ITGA2: variants seen among roughly 807,000 people sequenced by gnomAD.
The protein encoded by ITGA2 is integrin subunit alpha 2.
A neutral mutation model predicts 146.3 loss-of-function variants in ITGA2; 101 were observed. The ratio of observed to expected loss-of-function variants is 0.69; its 90% CI spans 0.59 to 0.81. ITGA2 has a LOEUF of 0.81. Ranked by LOEUF, ITGA2 falls within the 40% of genes least tolerant of loss-of-function variation. ITGA2 has a pLI of 0.00. For synonymous variants in ITGA2, 477 were observed against 487.1 expected, an observed-to-expected ratio of 0.98 and a Z score of 0.27; for missense variants, 1,281 against 1,402.7, an observed-to-expected ratio of 0.91 and a Z score of 1.39.
At position 53,093,247 on chromosome 5, in the gene ITGA2, A is replaced by G. The variant is rs1001186003; in HGVS notation, c.*2648A>G. The G allele has an allele frequency of 2.6e-5, 4 of 152,352 alleles. No homozygotes were observed. The East Asian group carries it at 7.7e-4, about 29-fold the overall frequency. 9.4% of individuals were successfully genotyped at this position (152,352 alleles called of 1,614,324 possible). On this transcript the variant is annotated 3_prime_UTR_variant, in exon 30 of 30. Transcript: ENST00000296585. ...GTACTTCCTTAAATAAGTGCTAAAC[A>G]TACATATACGGAACTTGAAAGCTTT... is the stretch of plus-strand genomic sequence containing the variant.
intron 1 of ITGA2, among the ~76,000 whole-genome samples, chr5:53,002,596 A>G (rs1186829691): frequency 6.6e-6 from 1 of 152,120 alleles, no homozygotes; most frequent in Non-Finnish European, 1.5e-5. Flanking sequence ...CTATTGTCCC[A>G]TTGTTGGATA....
chr5:52,999,874 T>C (rs9292002), intron 1 of ITGA2, among the ~76,000 whole-genome samples: 34,855 of 152,120 alleles, frequency 0.23, 4,129 homozygotes, highest in African/African-American at 0.26. Flanking sequence ...TTTAAAATGT[T>C]GTGTAAGCAC....
chr5:53,056,599 G>A (rs759822399), intron 9 of ITGA2, among the ~76,000 whole-genome samples: 1 of 151,946 alleles, frequency 6.6e-6, no homozygotes, highest in Non-Finnish European at 1.5e-5. Flanking sequence ...ACTGTGTTAT[G>A]TAAGTTCTAA....
rs753801379 is a variant in ITGA2, at chr5:53,065,004, C to T, written c.1695C>T (p.Asn565=). 3 of 1,612,898 alleles carry T rather than the reference C, an allele frequency of 1.9e-6. No homozygotes were observed. The highest frequency in any genetic ancestry group is 2.5e-6 in the Non-Finnish European group (3 of 1,179,206). Residue 565 remains asparagine, a synonymous_variant, in exon 14 of 30, where the codon AAC becomes AAT. Transcript: ENST00000296585. ...GSAIAALSDI[N]MDGFNDVIVG... ...CAATTGCAGCTCTTTCAGACATCAACATGGATGGCTTTAATGATGTGATTG... is the reference window on the plus strand; with the variant it reads ...CAATTGCAGCTCTTTCAGACATCAATATGGATGGCTTTAATGATGTGATTG...
At chr5:53,064,362 A>G (rs1745042782) in intron 13 of ITGA2, among the ~76,000 whole-genome samples, 1 of 151,960 alleles carries the variant, frequency 6.6e-6, no homozygotes, top group African/African-American at 2.4e-5. Flanking sequence ...CAGCTACAGT[A>G]AAGAGAATTA....
intron 2 of ITGA2, among the ~76,000 whole-genome samples, chr5:53,036,640 T>G (rs1743505480): frequency 1.3e-5 from 2 of 152,190 alleles, no homozygotes; most frequent in South Asian, 4.1e-4. Flanking sequence ...CACTCCTAAC[T>G]CCAGCCTGCT....
intron 1 of ITGA2, among the ~76,000 whole-genome samples, chr5:53,023,660 A>G (rs1466691679): frequency 1.3e-5 from 2 of 152,214 alleles, no homozygotes; most frequent in Non-Finnish European, 2.9e-5. Flanking sequence ...GTATAGACAC[A>G]TGGGCATGGT....
intron 7 of ITGA2, among the ~76,000 whole-genome samples, chr5:53,051,956 A>G (rs1421108570): frequency 6.6e-6 from 1 of 152,212 alleles, no homozygotes; most frequent in Non-Finnish European, 1.5e-5. Context: ...AATCTTAAAC[A>G]TACGAGTTTA....
chr5:53,084,574 G>GGCTT (rs1386995223), intron 27 of ITGA2, among the ~76,000 whole-genome samples: 1 of 152,104 alleles, frequency 6.6e-6, no homozygotes, highest in Non-Finnish European at 1.5e-5. Context: ...TATTTCTTCT[G>GGCTT]GCTTGCTTGC....
chr5:52,995,816 C>G (rs536294637), intron 1 of ITGA2, among the ~76,000 whole-genome samples: 58 of 152,216 alleles, frequency 3.8e-4, no homozygotes, highest in African/African-American at 1.3e-3. Flanking sequence ...GGCAAAGGGA[C>G]TAGAAGAGGG....
At chr5:53,084,056 T>C (rs1322573117) in intron 27 of ITGA2, among the ~76,000 whole-genome samples, 1 of 152,160 alleles carries the variant, frequency 6.6e-6, no homozygotes, top group African/African-American at 2.4e-5. Flanking sequence ...GCCAAAACAA[T>C]GTCATTGTTT....
chr5:53,087,168 C>T, intron 28 of ITGA2, 127 bp downstream of exon 28: 1 of 738,900 alleles, frequency 1.4e-6, no homozygotes. Flanking sequence ...CTTTAAAGAT[C>T]TGATGTTTAT....
intron 27 of ITGA2, among the ~76,000 whole-genome samples, chr5:53,085,270 A>C (rs953408382): frequency 6.6e-6 from 1 of 152,162 alleles, no homozygotes. Context: ...AAGTAATTTC[A>C]TTACAAAGTG....
At chr5:53,057,260 C>T (rs1021831518) in intron 9 of ITGA2, among the ~76,000 whole-genome samples, 1 of 151,980 alleles carries the variant, frequency 6.6e-6, no homozygotes, top group African/African-American at 2.4e-5. Context: ...AGTATCTCTA[C>T]TCATCCTGTG....
chr5:53,007,558 T>C (rs969531696), intron 1 of ITGA2, among the ~76,000 whole-genome samples: 8 of 151,976 alleles, frequency 5.3e-5, no homozygotes, highest in African/African-American at 1.9e-4. Context: ...AGAAGCAATT[T>C]AGGAAGAAGT....
At chr5:52,989,649 A>C in intron 1 of ITGA2, 117 bp downstream of exon 1, 9 of 1,154,482 alleles carry the variant, frequency 7.8e-6, no homozygotes, top group Non-Finnish European at 9.0e-6. Flanking sequence ...CTCGGATTCC[A>C]CGTGGACTCG....
chr5:53,032,109 C>T (rs1394306411), intron 2 of ITGA2, among the ~76,000 whole-genome samples: 2 of 152,054 alleles, frequency 1.3e-5, no homozygotes, highest in Non-Finnish European at 2.9e-5. Flanking sequence ...AGGACTAGTG[C>T]ATTCTTTTTC....
At chr5:53,072,741 C>T (rs1421525714) in intron 19 of ITGA2, 46 bp downstream of exon 19, 1 of 1,390,048 alleles carries the variant, frequency 7.2e-7, no homozygotes, top group Admixed American at 1.7e-5. Flanking sequence ...AAATAAAAGA[C>T]ATACTAGATT....
intron 2 of ITGA2, among the ~76,000 whole-genome samples, chr5:53,035,464 A>G (rs1315899259): frequency 6.6e-6 from 1 of 152,220 alleles, no homozygotes. Flanking sequence ...GATGCTGAGG[A>G]TCTAGCCATC....
Sources: gnomAD v4.1 joint callset for allele counts (sites outside exome capture counted in the v4.1 genomes callset) on GRCh38, gnomAD v4.1.1 for gene constraint, MANE v1.5 for transcripts, NCBI Gene and HGNC (gene_info 2026-07-23, HGNC 2026-07-21) for gene names.